Variants in POM121C observed in about 807,000 individuals in gnomAD.
POM121C encodes POM121 transmembrane nucleoporin C, also known as nuclear envelope pore membrane protein POM 121C.
POM121C carries 20 observed loss-of-function variants against 66.4 expected under a neutral mutation model. That is an observed-to-expected ratio of 0.30 (90% CI 0.21 to 0.44). The LOEUF (loss-of-function observed/expected upper bound fraction) is 0.44. Ranked by LOEUF, POM121C falls within the 20% of genes least tolerant of loss-of-function variation. The pLI is 1.00. For missense variants in POM121C, 580 were observed against 1,225.7 expected (o/e 0.47, Z 7.87); for synonymous variants, 286 against 528.0 (o/e 0.54, Z 6.28).
intron 3 of POM121C, among the ~76,000 whole-genome samples, chr7:75,465,155 C>T (rs184240154): frequency 2.8e-4 from 43 of 151,808 alleles, no homozygotes; most frequent in African/African-American, 6.0e-4. Flanking sequence ...CCACCATGCC[C>T]GGCTATTTTT....
chr7:75,461,858 G>A (rs1240289607), intron 3 of POM121C, among the ~76,000 whole-genome samples: 1 of 151,504 alleles, frequency 6.6e-6, no homozygotes, highest in East Asian at 1.9e-4. Context: ...TAATTCATGG[G>A]TCAAAGAGTG....
In POM121C at chr7:75,441,551, T is replaced by C. The variant is rs1554474011; in HGVS notation, c.-55A>G. Reference sequence around the variant, plus strand: ...TCTTGTGATAACCATTCCAGCACACTGTGGGAAGTACCCCCGGACAGGAAT... The same window carrying C: ...TCTTGTGATAACCATTCCAGCACACCGTGGGAAGTACCCCCGGACAGGAAT... On this transcript the variant is annotated 5_prime_UTR_variant, in exon 4 of 15. Coordinates refer to ENST00000615331, the MANE Select transcript of POM121C (RefSeq NM_001099415.3). The C allele has an allele frequency of 3.1e-6, 5 of 1,613,444 alleles. No individual in the cohort carries two copies. Among genetic ancestry groups the C allele is most frequent in the Non-Finnish European group, 4.2e-6 (5 of 1,179,610 alleles).
At chr7:75,479,472 C>G (rs1214385127) in intron 1 of POM121C, among the ~76,000 whole-genome samples, 1 of 145,986 alleles carries the variant, frequency 6.8e-6, no homozygotes, top group African/African-American at 2.6e-5. Flanking sequence ...AAAAATTAGC[C>G]GGGCGTGATG....
chr7:75,473,704 T>C (rs1240643675), intron 3 of POM121C, among the ~76,000 whole-genome samples: 8 of 152,064 alleles, frequency 5.3e-5, no homozygotes, highest in African/African-American at 1.7e-4. Context: ...TTTTGTTTTT[T>C]TTGAGACGGA....
chr7:75,425,290 T>C, intron 9 of POM121C, 95 bp from the exon 10 acceptor site: 3 of 808,788 alleles, frequency 3.7e-6, no homozygotes, highest in Admixed American at 3.1e-5. Flanking sequence ...GAGTTTTCAA[T>C]GATGGTATCT....
intron 3 of POM121C, among the ~76,000 whole-genome samples, chr7:75,462,425 C>G (rs1176871498): frequency 5.3e-5 from 8 of 150,424 alleles, no homozygotes; most frequent in South Asian, 2.1e-4. Flanking sequence ...TGAAAACTGA[C>G]TAATACTCCA....
rs1465146918 is a variant in POM121C, at chr7:75,466,282, C to A, written c.-152+8422G>T. 4.0e-5 allele frequency among the ~76,000 whole-genome samples: 6 copies of A among 150,316 alleles called. No individual in the cohort carries two copies. In the East Asian group the frequency reaches 9.8e-4, roughly 25 times the overall value. On this transcript the variant is annotated intron_variant, in intron 3 of 14. Coordinates refer to ENST00000615331, the MANE Select transcript of POM121C (RefSeq NM_001099415.3). ...TAGAAAAAGAAGAGCAAAATAACCA[C>A]AAAACAAGCAGAAAGAAGGAAATAG...
At chr7:75,436,321 G>A (rs1790406902) in intron 7 of POM121C, among the ~76,000 whole-genome samples, 1 of 152,090 alleles carries the variant, frequency 6.6e-6, no homozygotes, top group Admixed American at 6.6e-5. Context: ...TTCAGTATAG[G>A]CTAAAAATGG....
chr7:75,423,922 G>C, intron 12 of POM121C, 127 bp downstream of exon 12: 1 of 1,504,420 alleles, frequency 6.6e-7, no homozygotes, highest in Non-Finnish European at 9.0e-7. Context: ...CCGCTCCGGT[G>C]TGCTGAGCCA....
intron 1 of POM121C, among the ~76,000 whole-genome samples, chr7:75,480,641 C>A (rs1240976568): frequency 6.6e-6 from 1 of 152,014 alleles, no homozygotes; most frequent in Non-Finnish European, 1.5e-5. Context: ...CAGTCTAAAT[C>A]TAATCATGAA....
intron 3 of POM121C, among the ~76,000 whole-genome samples, chr7:75,455,223 G>A (rs1197837968): frequency 6.6e-6 from 1 of 152,220 alleles, no homozygotes; most frequent in Non-Finnish European, 1.5e-5. Context: ...ATTACCCGCC[G>A]TGCTGGTCTG....
intron 3 of POM121C, among the ~76,000 whole-genome samples, chr7:75,460,147 T>C (rs1261436083): frequency 6.9e-6 from 1 of 144,800 alleles, no homozygotes; most frequent in African/African-American, 2.8e-5. Flanking sequence ...AAATTAAATA[T>C]AAATCTTCTA....
chr7:75,450,118 T>G (rs1292436922), intron 3 of POM121C, among the ~76,000 whole-genome samples: 1 of 152,158 alleles, frequency 6.6e-6, no homozygotes. Context: ...GAGAGAACAC[T>G]CTGAAGAAGT....
intron 3 of POM121C, among the ~76,000 whole-genome samples, chr7:75,448,019 G>C (rs1305713747): frequency 7.3e-6 from 1 of 137,728 alleles, no homozygotes; most frequent in Non-Finnish European, 1.6e-5. Context: ...GCTAGACTCC[G>C]TCTCAAAAAA....
At chr7:75,477,933 T>C (rs1452322740) in intron 1 of POM121C, among the ~76,000 whole-genome samples, 2 of 152,036 alleles carry the variant, frequency 1.3e-5, no homozygotes, top group Non-Finnish European at 2.9e-5. Context: ...CAAGAACATA[T>C]ACGAAAGCAA....
chr7:75,475,039 T>C, intron 2 of POM121C, 23 bp downstream of exon 2: 1 of 1,423,216 alleles, frequency 7.0e-7, no homozygotes, highest in East Asian at 2.3e-5. Flanking sequence ...ACTGAGAGCA[T>C]TCAGAAAGCA....
At chr7:75,448,749 G>A (rs1201635024) in intron 3 of POM121C, among the ~76,000 whole-genome samples, 4 of 147,678 alleles carry the variant, frequency 2.7e-5, no homozygotes, top group African/African-American at 1.0e-4. Context: ...GCAGTGAGCC[G>A]AGATGGCGCC....
In POM121C at chr7:75,418,893, C is replaced by G. The variant is rs1281552455; in HGVS notation, c.2867G>C (p.Gly956Ala). 1 of 1,609,046 alleles carries G rather than the reference C, an allele frequency of 6.2e-7. No individual in the cohort carries two copies. The highest frequency in any genetic ancestry group is 1.1e-5 in the South Asian group (1 of 90,708). The stretch of plus-strand genomic sequence containing the variant: ...AATGGAAAATGAAGGGGCCGCCGAT[C>G]CTGGAAAGATTCAACAAGACCTCAT... The part of the protein sequence containing the change: ...AQGFVGVGPF[G>A]SAAPSFSIGA... The change falls in exon 15 of 15, where the codon GGA becomes GCA. Residue 956 changes from glycine to alanine, a missense_variant and splice_region_variant. By Grantham distance (60) the Gly-to-Ala change is moderately conservative. Transcript: ENST00000615331.
chr7:75,421,021 A>G (rs1389437442), intron 13 of POM121C: 107 of 193,012 alleles, frequency 5.5e-4, no homozygotes, highest in African/African-American at 2.6e-3. Context: ...CACCTAGGCC[A>G]GAGTACAGTG....
Sources: allele counts gnomAD v4.1 joint callset (sites outside exome capture counted in the v4.1 genomes callset), GRCh38; gene constraint gnomAD v4.1.1; transcripts MANE v1.5; gene names NCBI Gene and HGNC (gene_info 2026-07-23, HGNC 2026-07-21).